The following DXO variants were observed in gnomAD, a reference collection of about 807,000 sequenced individuals.
DXO encodes decapping and exoribonuclease protein.
DXO carries 42 observed loss-of-function variants against 39.8 expected under a neutral mutation model. The ratio of observed to expected loss-of-function variants is 1.06; its 90% CI spans 0.83 to 1.37. The LOEUF (loss-of-function observed/expected upper bound fraction) is 1.37. DXO is among the 40% of genes most tolerant of loss of function. DXO has a pLI of 0.00. For synonymous variants in DXO, 193 were observed against 200.4 expected, an observed-to-expected ratio of 0.96 and a Z score of 0.31; for missense variants, 495 against 513.0, an observed-to-expected ratio of 0.96 and a Z score of 0.34.
Position 31,970,288 on chromosome 6 carries a change from C to G in DXO, c.948+55G>C. On this transcript the variant is annotated intron_variant, in intron 5 of 6. Transcript: ENST00000337523. The surrounding 1 kb of genome is among the most constrained non-coding windows in gnomAD (Gnocchi z 4.0). Reference sequence around the variant, plus strand: ...GCAGGCTGTTGCCCTGGATGCTAGACCTGTGGTCTTGGTGTTTGGGGATAC... The same window carrying G: ...GCAGGCTGTTGCCCTGGATGCTAGAGCTGTGGTCTTGGTGTTTGGGGATAC... 1 of 1,613,882 alleles carries G rather than the reference C, an allele frequency of 6.2e-7. No homozygotes were observed. Among genetic ancestry groups the G allele is most frequent in the Middle Eastern group, 1.7e-4 (1 of 6,060 alleles).
Position 31,970,770 on chromosome 6 carries a change from G to C in DXO, c.648C>G (p.Phe216Leu). Residue 216 changes from phenylalanine to leucine, a missense_variant, in exon 4 of 7, where the codon TTC (phenylalanine) becomes TTG (leucine). Physicochemically the swap from Phe to Leu is conservative, Grantham distance 22. Transcript: ENST00000337523. This position sits in a 1 kb window ranked among gnomAD's most constrained non-coding sequence, Gnocchi z 4.0. ...PSGEVNTNVAFCSVLRSRLGS... is the reference protein window; with the variant it reads ...PSGEVNTNVALCSVLRSRLGS... ...CCAGGCGGCTGCGTAGCACAGAGCA[G>C]AAGGCCACGTTGGTGTTAACCTCCC... 2.5e-6 allele frequency: 4 copies of C among 1,612,902 alleles called. No homozygotes were observed. Among genetic ancestry groups the C allele is most frequent in the Non-Finnish European group, 3.4e-6 (4 of 1,179,986 alleles).
rs1460230656 is a variant in DXO, at chr6:31,970,505, G to A, written c.813-27C>T. On this transcript the variant is annotated intron_variant, in intron 4 of 6. Coordinates refer to ENST00000337523, the MANE Select transcript of DXO (RefSeq NM_005510.4). This position sits in a 1 kb window ranked among gnomAD's most constrained non-coding sequence, Gnocchi z 4.0. The stretch of plus-strand genomic sequence containing the variant: ...TGACAGGAAAAGCAAGGGATCAGTG[G>A]GACCCCTCGTGCACCCTCCATTCTG... 6.2e-7 allele frequency: 1 copy of A among 1,613,916 alleles called. No homozygotes were observed. The highest frequency in any genetic ancestry group is 1.1e-5 in the South Asian group (1 of 91,078).
At position 31,970,196 on chromosome 6, in the gene DXO, C is replaced by A; in HGVS notation, c.956G>T (p.Arg319Leu). Residue 319 changes from arginine (R) to leucine (L), a missense_variant, in exon 6 of 7, where the codon CGT becomes CTT. By Grantham distance (102) the Arg-to-Leu change is moderately radical. Coordinates refer to ENST00000337523, the MANE Select transcript of DXO (RefSeq NM_005510.4). This position sits in a 1 kb window ranked among gnomAD's most constrained non-coding sequence, Gnocchi z 4.0. ...GCACACAGAGGGATTCCAGCCGTCA[C>A]GGTCATTCTGGAGCAGGCAGAGGAG... ...MKMFEYVRND[R>L]DGWNPSVCMN... 6.2e-7 allele frequency: 1 copy of A among 1,613,852 alleles called. No individual in the cohort carries two copies. Among genetic ancestry groups the A allele is most frequent in the Non-Finnish European group, 8.5e-7 (1 of 1,179,994 alleles).
In DXO at chr6:31,971,690, A is replaced by G. The variant is rs756834755; in HGVS notation, c.-6-9T>C. ...CTGGGATCCATGAGGTCCTAAGACAAGCAGGGGTACAGAGTTTCCATTCTA... is the reference window on the plus strand; with the variant it reads ...CTGGGATCCATGAGGTCCTAAGACAGGCAGGGGTACAGAGTTTCCATTCTA... On this transcript the variant is annotated splice_polypyrimidine_tract_variant and intron_variant, in intron 1 of 6. Transcript: ENST00000337523. The surrounding 1 kb of genome is among the most constrained non-coding windows in gnomAD (Gnocchi z 4.5). 13 of 1,594,882 alleles carry G rather than the reference A, an allele frequency of 8.2e-6. No individual in the cohort carries two copies. Among genetic ancestry groups the G allele is most frequent in the Non-Finnish European group, 1.1e-5 (13 of 1,175,146 alleles).
At position 31,972,057 on chromosome 6, in the gene DXO, C is replaced by T; in HGVS notation, c.-135G>A. 1 of 1,612,436 alleles carries T rather than the reference C, an allele frequency of 6.2e-7. No individual in the cohort carries two copies. Among genetic ancestry groups the T allele is most frequent in the Non-Finnish European group, 8.5e-7 (1 of 1,179,146 alleles). On this transcript the variant is annotated 5_prime_UTR_variant, in exon 1 of 7. Coordinates refer to ENST00000337523, the MANE Select transcript of DXO (RefSeq NM_005510.4). This position sits in a 1 kb window ranked among gnomAD's most constrained non-coding sequence, Gnocchi z 6.3. ...CATTCAGCGACAGTGGCGGGCAAAC[C>T]CCTCCCGGGGCGGGGGAGGTGTGAG...
In DXO at chr6:31,970,547, C is replaced by T; in HGVS notation, c.812+59G>A. ...TCCATTCTGCCTTCACCCTCCTCCC[C>T]AAGTCCCTTTCCCAGCCTTCAAGCC... On this transcript the variant is annotated intron_variant, in intron 4 of 6. Coordinates refer to ENST00000337523, the MANE Select transcript of DXO (RefSeq NM_005510.4). The surrounding 1 kb of genome is among the most constrained non-coding windows in gnomAD (Gnocchi z 4.0). 6.2e-7 allele frequency: 1 copy of T among 1,612,788 alleles called. No individual in the cohort carries two copies. Among genetic ancestry groups the T allele is most frequent in the Non-Finnish European group, 8.5e-7 (1 of 1,179,126 alleles).
rs371591234 is a variant in DXO, at chr6:31,970,510, C to A, written c.813-32G>T. On this transcript the variant is annotated intron_variant, in intron 4 of 6. Coordinates refer to ENST00000337523, the MANE Select transcript of DXO (RefSeq NM_005510.4). This position sits in a 1 kb window ranked among gnomAD's most constrained non-coding sequence, Gnocchi z 4.0. ...GGAAAAGCAAGGGATCAGTGGGACCCCTCGTGCACCCTCCATTCTGCCTTC... is the reference window on the plus strand; with the variant it reads ...GGAAAAGCAAGGGATCAGTGGGACCACTCGTGCACCCTCCATTCTGCCTTC... The A allele has an allele frequency of 1.6e-5, 26 of 1,613,826 alleles. No individual in the cohort carries two copies. The South Asian group carries it at 2.5e-4, about 16-fold the overall frequency.
rs1773178241 is a variant in DXO at position 31,970,537 on chromosome 6, C to T, written c.813-59G>A. 8 of 1,613,172 alleles carry T rather than the reference C, an allele frequency of 5.0e-6. No individual in the cohort carries two copies. Among genetic ancestry groups the T allele is most frequent in the South Asian group, 1.1e-5 (1 of 91,078 alleles). On this transcript the variant is annotated intron_variant, in intron 4 of 6. Coordinates refer to ENST00000337523, the MANE Select transcript of DXO (RefSeq NM_005510.4). This position sits in a 1 kb window ranked among gnomAD's most constrained non-coding sequence, Gnocchi z 4.0. ...TCGTGCACCCTCCATTCTGCCTTCA[C>T]CCTCCTCCCCAAGTCCCTTTCCCAG...
chr6:31,969,898 G>T lies in DXO; in HGVS notation c.1170C>A (p.Pro390=), dbSNP rs553455420. The change falls in exon 7 of 7, where the codon CCC becomes CCA. Residue 390 remains proline, a synonymous_variant. Coordinates refer to ENST00000337523, the MANE Select transcript of DXO (RefSeq NM_005510.4). This position sits in a 1 kb window ranked among gnomAD's most constrained non-coding sequence, Gnocchi z 6.1. ...ATTACTATTTGGGAGAGGGAGTCTT[G>T]GGGGGTGATGGGAGGTCCTGAGTCA... ...EAMTQDLPSP[P]KTPSPK is the part of the protein sequence containing the mutation. The T allele has an allele frequency of 2.5e-6, 4 of 1,614,112 alleles. No homozygotes were observed. In the African/African-American group the frequency reaches 5.3e-5, roughly 22 times the overall value.
chr6:31,970,751 G>A lies in DXO; in HGVS notation c.667C>T (p.Arg223Cys), dbSNP rs767044016. 5.0e-6 allele frequency: 8 copies of A among 1,612,768 alleles called. No individual in the cohort carries two copies. Among genetic ancestry groups the A allele is most frequent in the African/African-American group, 4.0e-5 (3 of 74,886 alleles). Residue 223 changes from arginine (R) to cysteine (C), a missense_variant, in exon 4 of 7, where the codon CGC becomes TGC. Arg to Cys is a radical substitution (Grantham distance 180). Coordinates refer to ENST00000337523, the MANE Select transcript of DXO (RefSeq NM_005510.4). This position sits in a 1 kb window ranked among gnomAD's most constrained non-coding sequence, Gnocchi z 4.0. ...AAGAGCAGAGGGTGGCTTCCCAGGC[G>A]GCTGCGTAGCACAGAGCAGAAGGCC... ...NVAFCSVLRS[R>C]LGSHPLLFSG... is the part of the protein sequence containing the mutation.
chr6:31,971,160 A>G lies in DXO; in HGVS notation c.357-13T>C. Reference sequence around the variant, plus strand: ...CCAGCCTGGACCCCTGAGAGGCAGGAGTTACAGGCTGAAGGTCTGACACAA... The same window carrying G: ...CCAGCCTGGACCCCTGAGAGGCAGGGGTTACAGGCTGAAGGTCTGACACAA... On this transcript the variant is annotated splice_polypyrimidine_tract_variant and intron_variant, in intron 2 of 6. Coordinates refer to ENST00000337523, the MANE Select transcript of DXO (RefSeq NM_005510.4). The surrounding 1 kb of genome is among the most constrained non-coding windows in gnomAD (Gnocchi z 4.5). The G allele has an allele frequency of 1.2e-6, 2 of 1,610,440 alleles. No homozygotes were observed. Among genetic ancestry groups the G allele is most frequent in the Non-Finnish European group, 1.7e-6 (2 of 1,178,538 alleles).
chr6:31,970,230 AGAT>A lies in DXO; in HGVS notation c.949-30_949-28del. The A allele has an allele frequency of 6.2e-7, 1 of 1,613,416 alleles. No homozygotes were observed. Among genetic ancestry groups the A allele is most frequent in the Non-Finnish European group, 8.5e-7 (1 of 1,179,914 alleles). On this transcript the variant is annotated intron_variant, in intron 5 of 6. Coordinates refer to ENST00000337523, the MANE Select transcript of DXO (RefSeq NM_005510.4). The surrounding 1 kb of genome is among the most constrained non-coding windows in gnomAD (Gnocchi z 4.0). The stretch of plus-strand genomic sequence containing the variant: ...TGGAGCAGGCAGAGGAGGAGGCAGA[AGAT>A]GGGCAGTGGGGGTGGTGGGAGGAGA...
chr6:31,971,229 T>C lies in DXO; in HGVS notation c.357-82A>G. The stretch of plus-strand genomic sequence containing the variant: ...CCTCGAAGAATAGTCTTGTTTCTTC[T>C]AAGGACTGATTCTCACCCCGGCTTT... On this transcript the variant is annotated intron_variant, in intron 2 of 6. Coordinates refer to ENST00000337523, the MANE Select transcript of DXO (RefSeq NM_005510.4). The surrounding 1 kb of genome is among the most constrained non-coding windows in gnomAD (Gnocchi z 4.5). 1.3e-6 allele frequency: 2 copies of C among 1,559,448 alleles called. No individual in the cohort carries two copies. The highest frequency in any genetic ancestry group is 1.7e-6 in the Non-Finnish European group (2 of 1,150,356).
chr6:31,971,493 A>G lies in DXO; in HGVS notation c.183T>C (p.His61=), dbSNP rs772615090. The change falls in exon 2 of 7, where the codon CAT becomes CAC. Residue 61 remains histidine, a synonymous_variant. Coordinates refer to ENST00000337523, the MANE Select transcript of DXO (RefSeq NM_005510.4). This position sits in a 1 kb window ranked among gnomAD's most constrained non-coding sequence, Gnocchi z 4.5. ...AGTAGCGCAGGGCTCGGGCATCTCCATGGTACTGGCGTTGAGCATCCAGGG... is the reference window on the plus strand; with the variant it reads ...AGTAGCGCAGGGCTCGGGCATCTCCGTGGTACTGGCGTTGAGCATCCAGGG... The part of the protein sequence containing the change: ...CFSLDAQRQY[H]GDARALRYYS... The G allele has an allele frequency of 1.9e-6, 3 of 1,614,056 alleles. No individual in the cohort carries two copies. The highest frequency in any genetic ancestry group is 2.5e-6 in the Non-Finnish European group (3 of 1,179,998).
Position 31,971,385 on chromosome 6 carries a change from C to A in DXO, c.291G>T (p.Glu97Asp). Residue 97 changes from glutamate (E) to aspartate (D), a missense_variant, in exon 2 of 7, where the codon GAG (glutamate) becomes GAT (aspartate). Physicochemically the swap from Glu to Asp is conservative, Grantham distance 45 (BLOSUM62 2). Transcript: ENST00000337523. This position sits in a 1 kb window ranked among gnomAD's most constrained non-coding sequence, Gnocchi z 4.5. The stretch of plus-strand genomic sequence containing the variant: ...GGTGGTCCAGCCTTTCCTGGACCTC[C>A]TCGTCCCGGGGCTGGTATCGATCCG... The part of the protein sequence containing the change: ...GYPDRYQPRD[E>D]EVQERLDHLL... 1.3e-6 allele frequency: 2 copies of A among 1,581,936 alleles called. No homozygotes were observed. The highest frequency in any genetic ancestry group is 1.3e-5 in the African/African-American group (1 of 74,198).
rs746926348 is a variant in DXO, at chr6:31,970,037, T to C, written c.1044-13A>G. ...GAGATGAACGAGCCTGGGGGGCAGA[T>C]GGAGGCATCAGTTGAGGGCCAGAGG... On this transcript the variant is annotated splice_polypyrimidine_tract_variant and intron_variant, in intron 6 of 6. Transcript: ENST00000337523. The surrounding 1 kb of genome is among the most constrained non-coding windows in gnomAD (Gnocchi z 4.0). 4.3e-6 allele frequency: 7 copies of C among 1,613,912 alleles called. No individual in the cohort carries two copies. The highest frequency in any genetic ancestry group is 1.7e-5 in the Admixed American group (1 of 60,000).
Position 31,969,903 on chromosome 6 carries a change from G to T in DXO, c.1165C>A (p.Pro389Thr). The T allele has an allele frequency of 6.2e-7, 1 of 1,614,138 alleles. No homozygotes were observed. The highest frequency in any genetic ancestry group is 1.1e-5 in the South Asian group (1 of 91,080). The change falls in exon 7 of 7, where the codon CCC (proline) becomes ACC (threonine). Residue 389 changes from proline (P) to threonine (T), a missense_variant. By Grantham distance (38) the Pro-to-Thr change is conservative. Coordinates refer to ENST00000337523, the MANE Select transcript of DXO (RefSeq NM_005510.4). This position sits in a 1 kb window ranked among gnomAD's most constrained non-coding sequence, Gnocchi z 6.1. ...VEAMTQDLPS[P>T]PKTPSPK ...TATTTGGGAGAGGGAGTCTTGGGGG[G>T]TGATGGGAGGTCCTGAGTCATAGCT...
chr6:31,971,355 C>G lies in DXO; in HGVS notation c.321G>C (p.Leu107=). 6.4e-7 allele frequency: 1 copy of G among 1,557,550 alleles called. No homozygotes were observed. Among genetic ancestry groups the G allele is most frequent in the Non-Finnish European group, 8.7e-7 (1 of 1,149,948 alleles). ...GGCCTCGGTGTTCCAGGAGCCAGCA[C>G]AGCAGGTGGTCCAGCCTTTCCTGGA... is the stretch of plus-strand genomic sequence containing the variant. The part of the protein sequence containing the change: ...EEVQERLDHL[L]CWLLEHRGRL... The change falls in exon 2 of 7, where the codon CTG becomes CTC. Residue 107 remains leucine (L), a synonymous_variant. Coordinates refer to ENST00000337523, the MANE Select transcript of DXO (RefSeq NM_005510.4). This position sits in a 1 kb window ranked among gnomAD's most constrained non-coding sequence, Gnocchi z 4.5.
In DXO at chr6:31,970,021, G is replaced by C; in HGVS notation, c.1047C>G (p.Leu349=). ...QSTVVQDDPR[L]VHLFSWEPGG... is the part of the protein sequence containing the mutation. ...CAGGCTCCCAAGAGAAGAGATGAAC[G>C]AGCCTGGGGGGCAGATGGAGGCATC... The change falls in exon 7 of 7, where the codon CTC becomes CTG. Residue 349 remains leucine, a synonymous_variant. Transcript: ENST00000337523. This position sits in a 1 kb window ranked among gnomAD's most constrained non-coding sequence, Gnocchi z 4.0. 5 of 1,613,980 alleles carry C rather than the reference G, an allele frequency of 3.1e-6. No individual in the cohort carries two copies. The highest frequency in any genetic ancestry group is 4.2e-6 in the Non-Finnish European group (5 of 1,179,992).
Sources: allele counts gnomAD v4.1 joint callset, GRCh38; gene constraint gnomAD v4.1.1; non-coding constraint Gnocchi (gnomAD v3.1); transcripts MANE v1.5; gene names NCBI Gene and HGNC (gene_info 2026-07-23, HGNC 2026-07-21).